Variants in MRRF observed in about 807,000 individuals in gnomAD.
MRRF encodes the protein ribosome-recycling factor, mitochondrial.
MRRF carries 18 observed loss-of-function variants against 25.1 expected under a neutral mutation model. The observed-to-expected ratio is 0.72, with a 90% CI of 0.50 to 1.06. The LOEUF is 1.06. Ranked by LOEUF, MRRF falls within the 50% of genes least tolerant of loss-of-function variation. The pLI is 0.00. For synonymous variants in MRRF, 113 were observed against 112.1 expected, an observed-to-expected ratio of 1.01 and a Z score of -0.05; for missense variants, 323 against 319.3, an observed-to-expected ratio of 1.01 and a Z score of -0.09.
At chr9:122,297,233 C>T (rs1015666990) in intron 5 of MRRF, among the ~76,000 whole-genome samples, 1 of 152,110 alleles carries the variant, frequency 6.6e-6, no homozygotes, top group Non-Finnish European at 1.5e-5. Flanking sequence ...CGCTTGAACC[C>T]GGGAGGTGGA....
intron 2 of MRRF, among the ~76,000 whole-genome samples, chr9:122,275,403 C>T (rs567414124): frequency 4.6e-5 from 7 of 152,128 alleles, no homozygotes; most frequent in Admixed American, 3.9e-4. Context: ...GAGGCCGAGG[C>T]GGGTGGATCA....
chr9:122,295,072 TA>T (rs1834005594), intron 5 of MRRF, among the ~76,000 whole-genome samples: 1 of 152,200 alleles, frequency 6.6e-6, no homozygotes, highest in African/African-American at 2.4e-5. Flanking sequence ...TCCTGCTTTT[TA>T]GCTGTGTGAC....
At chr9:122,289,204 T>C (rs1833596659) in intron 4 of MRRF, among the ~76,000 whole-genome samples, 1 of 152,232 alleles carries the variant, frequency 6.6e-6, no homozygotes, top group African/African-American at 2.4e-5. Context: ...CAGAAAAGTT[T>C]AAGTATAAAA....
chr9:122,308,013 C>T (rs1235367756), intron 5 of MRRF, among the ~76,000 whole-genome samples: 1 of 152,272 alleles, frequency 6.6e-6, no homozygotes, highest in Non-Finnish European at 1.5e-5. Context: ...AGCAGTGGGG[C>T]ATGCCCTCTG....
chr9:122,273,929 A>C (rs1056812338), intron 2 of MRRF, among the ~76,000 whole-genome samples: 3 of 152,152 alleles, frequency 2.0e-5, no homozygotes, highest in Non-Finnish European at 4.4e-5. Flanking sequence ...TATCCATCCT[A>C]CAGTTAACAG....
chr9:122,301,652 G>T (rs900697200), intron 5 of MRRF, among the ~76,000 whole-genome samples: 10 of 152,074 alleles, frequency 6.6e-5, no homozygotes, highest in African/African-American at 2.4e-4. Flanking sequence ...TTCAGTAAAT[G>T]AGAGTTAATA....
intron 4 of MRRF, chr9:122,285,996 T>C (rs1833381028): frequency 3.8e-6 from 5 of 1,303,644 alleles, no homozygotes; most frequent in Non-Finnish European, 5.1e-6. Context: ...ATTTTAAGTG[T>C]AGTTGAAGAA....
At chr9:122,309,777 G>A (rs1275011479) in intron 5 of MRRF, among the ~76,000 whole-genome samples, 1 of 152,158 alleles carries the variant, frequency 6.6e-6, no homozygotes, top group Non-Finnish European at 1.5e-5. Flanking sequence ...GTAAGTAGTT[G>A]TTGAATGAAG....
chr9:122,267,150 G>A (rs977475541), intron 1 of MRRF, among the ~76,000 whole-genome samples: 3 of 151,834 alleles, frequency 2.0e-5, no homozygotes, highest in East Asian at 1.9e-4. Flanking sequence ...AGGCCGAGGC[G>A]GGCAGATCAC....
chr9:122,287,021 A>G (rs1477974556), intron 4 of MRRF, among the ~76,000 whole-genome samples: 2 of 152,160 alleles, frequency 1.3e-5, no homozygotes, highest in East Asian at 3.9e-4. Flanking sequence ...TCCTGTTCCC[A>G]TTGCATGGAA....
At chr9:122,318,230 C>A (rs1835660150) in intron 6 of MRRF, among the ~76,000 whole-genome samples, 1 of 152,154 alleles carries the variant, frequency 6.6e-6, no homozygotes, top group Non-Finnish European at 1.5e-5. Flanking sequence ...CCCCCCACCC[C>A]ACTACTTCCC....
At chr9:122,277,671 C>T (rs1832858885) in intron 2 of MRRF, among the ~76,000 whole-genome samples, 1 of 152,130 alleles carries the variant, frequency 6.6e-6, no homozygotes, top group African/African-American at 2.4e-5. Flanking sequence ...GTGCCTCAGC[C>T]TCCCGAGTAG....
intron 3 of MRRF, among the ~76,000 whole-genome samples, chr9:122,283,300 G>A (rs559600883): frequency 3.3e-5 from 5 of 152,006 alleles, no homozygotes; most frequent in Admixed American, 3.3e-4. Flanking sequence ...TCACTATGTT[G>A]GCCAGGCTGG....
intron 2 of MRRF, among the ~76,000 whole-genome samples, chr9:122,272,724 G>A (rs1832538803): frequency 6.6e-6 from 1 of 152,132 alleles, no homozygotes; most frequent in African/African-American, 2.4e-5. Flanking sequence ...TGATGTTTTT[G>A]TTGAACATGG....
chr9:122,317,336 T>C (rs1835596886), intron 6 of MRRF, among the ~76,000 whole-genome samples: 1 of 152,088 alleles, frequency 6.6e-6, no homozygotes, highest in Non-Finnish European at 1.5e-5. Context: ...AAGATTGTTA[T>C]TCTTTGTATA....
chr9:122,268,475 A>C (rs1235698720), intron 1 of MRRF, among the ~76,000 whole-genome samples: 2 of 152,234 alleles, frequency 1.3e-5, no homozygotes, highest in Non-Finnish European at 2.9e-5. Context: ...TGGTTTTATT[A>C]GGGAAAAACC....
intron 3 of MRRF, among the ~76,000 whole-genome samples, chr9:122,282,452 T>A (rs574650763): frequency 6.6e-6 from 1 of 152,318 alleles, no homozygotes; most frequent in South Asian, 2.1e-4. Flanking sequence ...TAGAACCTGA[T>A]GTGAAGGGTC....
intron 1 of MRRF, among the ~76,000 whole-genome samples, chr9:122,266,095 C>G (rs1220969689): frequency 6.6e-6 from 1 of 152,228 alleles, no homozygotes; most frequent in Non-Finnish European, 1.5e-5. Flanking sequence ...TGGACTTTCA[C>G]TGATGTATTC....
rs760159026 is a variant in MRRF at position 122,324,602 on chromosome 9, G to C, written c.*1985G>C. ...GCTGTCTATAATAATCTATTGGGTG[G>C]AAAAGTAGGAAGTTCATTCCAGTTC... On this transcript the variant is annotated 3_prime_UTR_variant, in exon 7 of 7. Coordinates refer to ENST00000344641, the MANE Select transcript of MRRF (RefSeq NM_138777.5). The C allele has an allele frequency of 2.0e-5, 3 of 152,228 alleles. No individual in the cohort carries two copies. The highest frequency in any genetic ancestry group is 4.4e-5 in the Non-Finnish European group (3 of 68,048). The allele number at this position is 152,228 out of a possible 1,614,324, so 9.4% of individuals were successfully genotyped here.
Sources: allele counts gnomAD v4.1 joint callset (sites outside exome capture counted in the v4.1 genomes callset), GRCh38; gene constraint gnomAD v4.1.1; transcripts MANE v1.5; gene names NCBI Gene and HGNC (gene_info 2026-07-23, HGNC 2026-07-21).